The following GALNT14 variants were observed in gnomAD, a reference collection of about 807,000 sequenced individuals.
GALNT14 encodes UDP-GalNAc:polypeptide N-acetylgalactosaminyltransferase 14.
In GALNT14, 60 loss-of-function variants were observed where a neutral mutation model predicts 77.5. The observed-to-expected ratio is 0.77, with a 90% CI of 0.63 to 0.96. GALNT14 has a LOEUF of 0.96. GALNT14 is among the 40% of genes least tolerant of loss of function. The pLI is 0.00. For missense variants in GALNT14, 710 were observed against 731.0 expected (o/e 0.97, Z 0.33); for synonymous variants, 280 against 281.7 (o/e 0.99, Z 0.06).
chr2:30,981,531 G>A (rs767783495), intron 2 of GALNT14, among the ~76,000 whole-genome samples: 6 of 152,176 alleles, frequency 3.9e-5, no homozygotes, highest in African/African-American at 7.2e-5. Flanking sequence ...GAGGGCATGA[G>A]AGGGTGGAGA....
intron 1 of GALNT14, among the ~76,000 whole-genome samples, chr2:31,058,510 G>A (rs752979531): frequency 6.6e-5 from 10 of 152,074 alleles, no homozygotes; most frequent in Non-Finnish European, 1.2e-4. Context: ...TCTTTGGGTG[G>A]ACTAAGGACT....
rs1295822255 is a variant in GALNT14 at position 31,057,116 on chromosome 2, TG to T, written c.130-64110del. Among the ~76,000 whole-genome samples the T allele has an allele frequency of 7.9e-5, 12 of 151,640 alleles. No homozygotes were observed. In the South Asian group the frequency reaches 2.5e-3, roughly 32 times the overall value. ...ATACAAAGACAGCAACAATAGACACTGGGGACTACTACTAGACAGGAGAAGG... is the reference window on the plus strand; with the variant it reads ...ATACAAAGACAGCAACAATAGACACTGGGACTACTACTAGACAGGAGAAGG... On this transcript the variant is annotated intron_variant, in intron 1 of 14. Transcript: ENST00000349752.
intron 2 of GALNT14, among the ~76,000 whole-genome samples, chr2:30,974,867 A>G (rs60610641): frequency 0.16 from 24,306 of 152,226 alleles, 2,028 homozygotes; most frequent in East Asian, 0.28. Flanking sequence ...TAGACATACG[A>G]TAAATGTCTG....
chr2:31,018,043 C>T (rs920216668), intron 1 of GALNT14, among the ~76,000 whole-genome samples: 7 of 152,212 alleles, frequency 4.6e-5, no homozygotes, highest in Admixed American at 2.6e-4. Flanking sequence ...GCCAGCCACT[C>T]AGCACTTCCC....
At chr2:31,130,052 T>G (rs1370185768) in intron 1 of GALNT14, among the ~76,000 whole-genome samples, 2 of 152,198 alleles carry the variant, frequency 1.3e-5, no homozygotes, top group African/African-American at 4.8e-5. Context: ...TGCCCTGCTC[T>G]CCTGCATTTC....
At chr2:30,918,132 T>C (rs527696720) in intron 13 of GALNT14, among the ~76,000 whole-genome samples, 1 of 152,312 alleles carries the variant, frequency 6.6e-6, no homozygotes, top group East Asian at 1.9e-4. Flanking sequence ...ATTGGAAACT[T>C]TGATGAACCC....
chr2:30,991,980 C>T (rs755283656), intron 2 of GALNT14, among the ~76,000 whole-genome samples: 4 of 152,208 alleles, frequency 2.6e-5, no homozygotes, highest in Non-Finnish European at 5.9e-5. Context: ...AGCTTCTCAG[C>T]ATGCCAGTCT....
chr2:30,979,502 TCAA>T (rs1668853931), intron 2 of GALNT14, among the ~76,000 whole-genome samples: 1 of 151,942 alleles, frequency 6.6e-6, no homozygotes, highest in East Asian at 1.9e-4. Flanking sequence ...CAGAAGAGAC[TCAA>T]CCACCACGCC....
rs1470471828 is a variant in GALNT14, at chr2:31,119,240, A to G, written c.129+18718T>C. ...TTCGACTGTATTTTTCAAAGCCAAA[A>G]AGTTATATGGCAATATATACCATAA... is the stretch of plus-strand genomic sequence containing the variant. On this transcript the variant is annotated intron_variant, in intron 1 of 14. Coordinates refer to ENST00000349752, the MANE Select transcript of GALNT14 (RefSeq NM_024572.4). Among the ~76,000 whole-genome samples the G allele has an allele frequency of 2.0e-5, 3 of 152,324 alleles. No homozygotes were observed. In the East Asian group the frequency reaches 5.8e-4, roughly 29 times the overall value.
At chr2:30,986,804 CT>C (rs1669327352) in intron 2 of GALNT14, 1 of 152,150 alleles carries the variant, frequency 6.6e-6, no homozygotes, top group African/African-American at 2.4e-5. Flanking sequence ...TTTTATTCAT[CT>C]TTGTGATCTC....
intron 1 of GALNT14, among the ~76,000 whole-genome samples, chr2:31,012,344 C>T (rs142859290): frequency 6.6e-5 from 10 of 152,296 alleles, no homozygotes; most frequent in East Asian, 3.9e-4. Flanking sequence ...CAAATCTGGT[C>T]CCTGCAACCT....
chr2:31,012,945 G>A lies in GALNT14; in HGVS notation c.130-19938C>T, dbSNP rs189977004. On this transcript the variant is annotated intron_variant, in intron 1 of 14. Coordinates refer to ENST00000349752, the MANE Select transcript of GALNT14 (RefSeq NM_024572.4). Reference sequence around the variant, plus strand: ...GATTAGATGATTAAATAAAGCAATGGAATAAAGAATGATAAAACTGAGAAC... The same window carrying A: ...GATTAGATGATTAAATAAAGCAATGAAATAAAGAATGATAAAACTGAGAAC... Among the ~76,000 whole-genome samples the A allele has an allele frequency of 2.2e-4, 33 of 151,562 alleles. No individual in the cohort carries two copies. The Middle Eastern group carries it at 0.014, about 62-fold the overall frequency.
At chr2:31,076,532 G>T (rs1244397678) in intron 1 of GALNT14, among the ~76,000 whole-genome samples, 1 of 151,950 alleles carries the variant, frequency 6.6e-6, no homozygotes, top group African/African-American at 2.4e-5. Flanking sequence ...GGAGGATGAG[G>T]TCACCAACAT....
chr2:31,089,354 T>C (rs140015040), intron 1 of GALNT14, among the ~76,000 whole-genome samples: 1 of 152,172 alleles, frequency 6.6e-6, no homozygotes, highest in African/African-American at 2.4e-5. Context: ...GTGATGGTCA[T>C]GCTGAGGAGG....
intron 1 of GALNT14, among the ~76,000 whole-genome samples, chr2:31,028,457 A>G (rs1439852107): frequency 1.3e-5 from 2 of 152,256 alleles, no homozygotes; most frequent in African/African-American, 4.8e-5. Context: ...GAGAGCATCA[A>G]GATTCAGGGT....
chr2:30,933,324 T>C (rs1665856543), intron 9 of GALNT14, among the ~76,000 whole-genome samples: 1 of 152,196 alleles, frequency 6.6e-6, no homozygotes, highest in South Asian at 2.1e-4. Flanking sequence ...CTGATGCTTC[T>C]GAAGTCGAGC....
Position 30,912,354 on chromosome 2 carries a change from G to A in GALNT14, c.1381-12C>T. On this transcript the variant is annotated splice_polypyrimidine_tract_variant and intron_variant, in intron 13 of 14. Transcript: ENST00000349752. ...GTGAAGGCCCATACCTGGGGAGAAAGAGACCAGGAAGGTTTGTTCAGGATC... is the reference window on the plus strand; with the variant it reads ...GTGAAGGCCCATACCTGGGGAGAAAAAGACCAGGAAGGTTTGTTCAGGATC... 6 of 1,613,528 alleles carry A rather than the reference G, an allele frequency of 3.7e-6. No individual in the cohort carries two copies. Among genetic ancestry groups the A allele is most frequent in the Non-Finnish European group, 5.1e-6 (6 of 1,179,762 alleles).
chr2:31,104,847 T>C (rs1228785000), intron 1 of GALNT14, among the ~76,000 whole-genome samples: 2 of 152,230 alleles, frequency 1.3e-5, no homozygotes, highest in African/African-American at 4.8e-5. Context: ...TTAACCTTCA[T>C]CATCTGGTCA....
In GALNT14 at chr2:30,926,351, G is replaced by A. The variant is rs115031106; in HGVS notation, c.1152-1528C>T. On this transcript the variant is annotated intron_variant, in intron 11 of 14. Transcript: ENST00000349752. ...TTCTGACTTGGGCAACAGGTGCAAC[G>A]AAAACTCTTCACGGGGATGGGAAAT... Among the ~76,000 whole-genome samples the A allele has an allele frequency of 2.2e-3, 342 of 152,232 alleles. 1 individual carries two copies. The highest frequency in any genetic ancestry group is 7.7e-3 in the African/African-American group (321 of 41,546).
Sources: gnomAD v4.1 joint callset for allele counts (sites outside exome capture counted in the v4.1 genomes callset) on GRCh38, gnomAD v4.1.1 for gene constraint, MANE v1.5 for transcripts, NCBI Gene and HGNC (gene_info 2026-07-23, HGNC 2026-07-21) for gene names.